NRXN1: variants seen among roughly 807,000 people sequenced by gnomAD.
NRXN1 encodes the protein neurexin 1.
A neutral mutation model predicts 150.9 loss-of-function variants in NRXN1; 39 were observed. The ratio of observed to expected loss-of-function variants is 0.26; its 90% CI spans 0.20 to 0.34. NRXN1 has a LOEUF of 0.34. NRXN1 is among the 10% of genes least tolerant of loss of function. NRXN1 has a pLI of 1.00. For synonymous variants in NRXN1, 924 were observed against 757.0 expected (o/e 1.22, Z -3.62); for missense variants, 1,815 against 1,949.9 (o/e 0.93, Z 1.30).
chr2:50,302,023 G>A (rs2074197323), intron 17 of NRXN1, among the ~76,000 whole-genome samples: 3 of 152,132 alleles, frequency 2.0e-5, no homozygotes, highest in African/African-American at 7.2e-5. Context: ...GGAAAAAGGG[G>A]AATACTGACA....
At chr2:51,005,563 T>C (rs186386757) in intron 2 of NRXN1, among the ~76,000 whole-genome samples, 4 of 151,840 alleles carry the variant, frequency 2.6e-5, no homozygotes, top group Non-Finnish European at 5.9e-5. Context: ...GTCTCACATA[T>C]GGAAGTGAAA....
Position 50,531,423 on chromosome 2 carries a change from C to A in NRXN1, c.2151G>T (p.Thr717=), listed in dbSNP as rs200768648. The change falls in exon 11 of 23, where the codon ACG becomes ACT. Residue 717 remains threonine (T), a synonymous_variant. Transcript: ENST00000401669. ...YLGRSCEREA[T]VLSYDGSMFM... ...ACATGCTCCCATCATAGCTCAAAAC[C>A]GTTGCCTCTAGAGATGGAAAATGAA... 10 of 1,610,052 alleles carry A rather than the reference C, an allele frequency of 6.2e-6. No individual in the cohort carries two copies. The highest frequency in any genetic ancestry group is 7.6e-6 in the Non-Finnish European group (9 of 1,177,988).
chr2:50,453,971 A>T (rs1448471199), intron 17 of NRXN1, among the ~76,000 whole-genome samples: 1 of 152,178 alleles, frequency 6.6e-6, no homozygotes, highest in African/African-American at 2.4e-5. Flanking sequence ...GGAAAAAAGT[A>T]AAGTGACCAA....
At chr2:50,425,351 T>A (rs1217381444) in intron 17 of NRXN1, among the ~76,000 whole-genome samples, 1 of 152,188 alleles carries the variant, frequency 6.6e-6, no homozygotes, top group East Asian at 1.9e-4. Flanking sequence ...ATCTGAGAAG[T>A]TTCACCTTAT....
At chr2:50,941,228 T>G (rs1689392417) in intron 2 of NRXN1, among the ~76,000 whole-genome samples, 1 of 152,174 alleles carries the variant, frequency 6.6e-6, no homozygotes, top group Non-Finnish European at 1.5e-5. Flanking sequence ...TTTAAACTCT[T>G]TATGAATTAC....
intron 12 of NRXN1, among the ~76,000 whole-genome samples, chr2:50,527,380 T>C (rs1367714346): frequency 6.6e-6 from 1 of 152,136 alleles, no homozygotes; most frequent in Non-Finnish European, 1.5e-5. Context: ...GAGAGGAGAT[T>C]ACATATATTT....
chr2:50,542,908 T>C (rs1308864483), intron 9 of NRXN1, among the ~76,000 whole-genome samples: 1 of 152,150 alleles, frequency 6.6e-6, no homozygotes, highest in East Asian at 1.9e-4. Flanking sequence ...ATGAGCATAG[T>C]GAAATTTAAA....
At chr2:50,333,317 G>A (rs2076952957) in intron 17 of NRXN1, among the ~76,000 whole-genome samples, 1 of 152,144 alleles carries the variant, frequency 6.6e-6, no homozygotes, top group African/African-American at 2.4e-5. Context: ...TGCCCTACCT[G>A]CAAAATGGGG....
At chr2:50,655,420 C>T (rs1052820631) in intron 5 of NRXN1, among the ~76,000 whole-genome samples, 3 of 151,990 alleles carry the variant, frequency 2.0e-5, no homozygotes, top group Admixed American at 6.6e-5. Flanking sequence ...AGAATATATA[C>T]TTTCCTGTCA....
At chr2:50,343,463 AG>A (rs11285713) in intron 17 of NRXN1, among the ~76,000 whole-genome samples, 11,351 of 146,488 alleles carry the variant, frequency 0.077, 1,165 homozygotes, top group African/African-American at 0.27. Context: ...CTATTTAACT[AG>A]AAAAAAAAAA....
rs550892309 is a variant in NRXN1 at position 50,555,854 on chromosome 2, T to C, written c.1321-2829A>G. Among the ~76,000 whole-genome samples, 7 of 152,292 alleles carry C rather than the reference T, an allele frequency of 4.6e-5. No individual in the cohort carries two copies. In the East Asian group the frequency reaches 1.4e-3, roughly 29 times the overall value. The stretch of plus-strand genomic sequence containing the variant: ...ATAATTGACAAGTTGGCCCATGCAT[T>C]GGGAAATTTCATCTTCACACACATT... On this transcript the variant is annotated intron_variant, in intron 8 of 22. Coordinates refer to ENST00000401669, the MANE Select transcript of NRXN1 (RefSeq NM_001330078.2).
At chr2:50,030,576 T>G (rs995583634) in intron 21 of NRXN1, among the ~76,000 whole-genome samples, 3 of 152,128 alleles carry the variant, frequency 2.0e-5, no homozygotes, top group African/African-American at 7.2e-5. Context: ...TTCTTCAGAG[T>G]TGAGTTCAGT....
At chr2:50,376,586 A>C (rs964228230) in intron 17 of NRXN1, among the ~76,000 whole-genome samples, 7 of 152,172 alleles carry the variant, frequency 4.6e-5, no homozygotes, top group Non-Finnish European at 1.0e-4. Flanking sequence ...GGTATGAGCA[A>C]ATATATTTTT....
chr2:50,610,866 C>G (rs1422992935), intron 8 of NRXN1, among the ~76,000 whole-genome samples: 1 of 148,606 alleles, frequency 6.7e-6, no homozygotes, highest in East Asian at 2.0e-4. Flanking sequence ...GATTTCGGCT[C>G]ACTGCAACCT....
chr2:50,401,598 G>C (rs1040828577), intron 17 of NRXN1, among the ~76,000 whole-genome samples: 1 of 152,012 alleles, frequency 6.6e-6, no homozygotes, highest in Non-Finnish European at 1.5e-5. Flanking sequence ...ATTCAGCTGG[G>C]ATCCTACGTG....
intron 5 of NRXN1, among the ~76,000 whole-genome samples, chr2:50,777,420 T>C (rs958281033): frequency 6.6e-6 from 1 of 152,162 alleles, no homozygotes; most frequent in Non-Finnish European, 1.5e-5. Context: ...TGCAAGACAG[T>C]TGATTTTTAG....
At chr2:50,583,964 T>A (rs1242234736) in intron 8 of NRXN1, among the ~76,000 whole-genome samples, 2 of 152,192 alleles carry the variant, frequency 1.3e-5, no homozygotes, top group African/African-American at 2.4e-5. Context: ...GGACATTTGG[T>A]TGGAGCCCAA....
At position 50,552,998 on chromosome 2, in the gene NRXN1, G is replaced by A; in HGVS notation, c.1348C>T (p.Leu450=). ...TGCTTGGCAAGTCGAGATAATTCCA[G>A]CCTCACATCATTATTTTTATATACA... The part of the protein sequence containing the change: ...EVVYKNNDVR[L]ELSRLAKQGD... Residue 450 remains leucine (L), a synonymous_variant, in exon 9 of 23, where the codon CTG becomes TTG. Coordinates refer to ENST00000401669, the MANE Select transcript of NRXN1 (RefSeq NM_001330078.2). 2 of 1,610,864 alleles carry A rather than the reference G, an allele frequency of 1.2e-6. No individual in the cohort carries two copies. The highest frequency in any genetic ancestry group is 1.7e-6 in the Non-Finnish European group (2 of 1,178,324).
intron 12 of NRXN1, among the ~76,000 whole-genome samples, chr2:50,519,113 C>T (rs1216615000): frequency 1.3e-5 from 2 of 151,684 alleles, no homozygotes; most frequent in African/African-American, 4.8e-5. Flanking sequence ...CTTTTTGTTT[C>T]TTTACATAAT....
Sources: allele counts gnomAD v4.1 joint callset (sites outside exome capture counted in the v4.1 genomes callset), GRCh38; gene constraint gnomAD v4.1.1; transcripts MANE v1.5; gene names NCBI Gene and HGNC (gene_info 2026-07-23, HGNC 2026-07-21).